Variants in FAM78B observed in about 807,000 individuals in gnomAD.
FAM78B encodes protein FAM78B.
A neutral mutation model predicts 20.0 loss-of-function variants in FAM78B; 10 were observed. The observed-to-expected ratio is 0.50, with a 90% CI of 0.31 to 0.85. The LOEUF (loss-of-function observed/expected upper bound fraction) is 0.85, where lower values mean the gene tolerates loss of function less well. FAM78B is among the 40% of genes least tolerant of loss of function. FAM78B has a pLI of 0.05. For synonymous variants in FAM78B, 135 were observed against 132.8 expected (o/e 1.02, Z -0.12); for missense variants, 283 against 345.0 (o/e 0.82, Z 1.42).
At chr1:166,070,855 A>T in intron 1 of FAM78B, 92 bp from the exon 2 acceptor site, 1 of 1,383,802 alleles carries the variant, frequency 7.2e-7, no homozygotes, top group Non-Finnish European at 9.6e-7. Flanking sequence ...AACATAGTCA[A>T]CTTGGGCAAA....
intron 1 of FAM78B, among the ~76,000 whole-genome samples, chr1:166,109,892 A>ATATATG (rs1553219498): frequency 0.023 from 966 of 41,826 alleles, 176 homozygotes; most frequent in African/African-American, 0.043. Context: ...GTATATATGT[A>ATATATG]TATATATATA....
At chr1:166,102,690 G>T (rs1445232213) in intron 1 of FAM78B, among the ~76,000 whole-genome samples, 1 of 152,144 alleles carries the variant, frequency 6.6e-6, no homozygotes, top group African/African-American at 2.4e-5. Context: ...CAATACAGGA[G>T]CACCCAGATT....
exon 3 of FAM78B, chr1:166,060,598 C>G: frequency 1.6e-6 from 2 of 1,289,096 alleles, no homozygotes; most frequent in Non-Finnish European, 2.0e-6. Context: ...CCATTGCTCA[C>G]TTCCTCCTTC....
intron 1 of FAM78B, among the ~76,000 whole-genome samples, chr1:166,094,003 CTGTGTGTGTGTG>C (rs58213930): frequency 9.6e-5 from 12 of 125,518 alleles, no homozygotes; most frequent in African/African-American, 1.2e-4. Flanking sequence ...TTGCGAATGA[CTGTGTGTGTGTG>C]TGTGTGTGTG....
chr1:166,098,163 A>G (rs959364226), intron 1 of FAM78B, among the ~76,000 whole-genome samples: 1 of 152,170 alleles, frequency 6.6e-6, no homozygotes. Flanking sequence ...AGGAAGCCAC[A>G]TCCATAGGAA....
chr1:166,106,838 T>C (rs1050324937), intron 1 of FAM78B, among the ~76,000 whole-genome samples: 2 of 151,948 alleles, frequency 1.3e-5, no homozygotes, highest in African/African-American at 4.8e-5. Flanking sequence ...CAATATACCA[T>C]GTAAGAAACT....
At chr1:166,124,967 T>G (rs114592871) in intron 1 of FAM78B, among the ~76,000 whole-genome samples, 20 of 152,298 alleles carry the variant, frequency 1.3e-4, no homozygotes, top group Non-Finnish European at 2.8e-4. Flanking sequence ...CTCTGAGAAA[T>G]GTCTCTTCCC....
At chr1:166,080,066 G>C (rs1359636610) in intron 1 of FAM78B, among the ~76,000 whole-genome samples, 1 of 152,148 alleles carries the variant, frequency 6.6e-6, no homozygotes, top group African/African-American at 2.4e-5. Flanking sequence ...TAGGGAACTT[G>C]CTCAAGATCT....
intron 1 of FAM78B, among the ~76,000 whole-genome samples, chr1:166,152,558 C>T (rs1655717543): frequency 6.6e-6 from 1 of 152,190 alleles, no homozygotes; most frequent in South Asian, 2.1e-4. Flanking sequence ...TGTGGATGAA[C>T]TGGCCCCGGA....
At chr1:166,116,516 A>G (rs888881596) in intron 1 of FAM78B, among the ~76,000 whole-genome samples, 1 of 152,190 alleles carries the variant, frequency 6.6e-6, no homozygotes, top group Admixed American at 6.5e-5. Context: ...GTAAATTTCC[A>G]TCAGCAGATT....
chr1:166,128,101 G>A (rs1654709539), intron 1 of FAM78B, among the ~76,000 whole-genome samples: 1 of 152,138 alleles, frequency 6.6e-6, no homozygotes, highest in African/African-American at 2.4e-5. Flanking sequence ...AAGGAAATGT[G>A]GAAACTGAGA....
chr1:166,072,436 T>A (rs1229501252), intron 1 of FAM78B, among the ~76,000 whole-genome samples: 1 of 152,200 alleles, frequency 6.6e-6, no homozygotes, highest in Non-Finnish European at 1.5e-5. Context: ...ATGCAGAAAG[T>A]CAGAGAGAGC....
intron 2 of FAM78B, among the ~76,000 whole-genome samples, chr1:166,064,298 A>T (rs1225004570): frequency 6.6e-6 from 1 of 152,192 alleles, no homozygotes; most frequent in East Asian, 1.9e-4. Flanking sequence ...AAGATCTGGG[A>T]CATCAAAAAC....
At chr1:166,130,140 C>G (rs755975839) in intron 1 of FAM78B, among the ~76,000 whole-genome samples, 99 of 152,308 alleles carry the variant, frequency 6.5e-4, no homozygotes, top group Admixed American at 6.5e-4. Context: ...CTTAAATATT[C>G]CTCCCATGAG....
intron 1 of FAM78B, among the ~76,000 whole-genome samples, chr1:166,124,464 C>T (rs544593844): frequency 6.6e-6 from 1 of 152,182 alleles, no homozygotes; most frequent in African/African-American, 2.4e-5. Context: ...CCATAACAAC[C>T]CTATGAGGTG....
chr1:166,115,300 T>C (rs1050164072), intron 1 of FAM78B, among the ~76,000 whole-genome samples: 1 of 152,188 alleles, frequency 6.6e-6, no homozygotes, highest in Non-Finnish European at 1.5e-5. Context: ...TTTGAGAATG[T>C]TGTCACATTG....
chr1:166,068,046 C>A (rs184399237), downstream of FAM78B, among the ~76,000 whole-genome samples: 1 of 152,272 alleles, frequency 6.6e-6, no homozygotes, highest in Non-Finnish European at 1.5e-5. Flanking sequence ...AAACATAAAT[C>A]TTGTATAGCA....
intron 1 of FAM78B, among the ~76,000 whole-genome samples, chr1:166,159,705 C>T (rs941545288): frequency 2.0e-5 from 3 of 152,178 alleles, no homozygotes; most frequent in African/African-American, 7.2e-5. Flanking sequence ...ATTAATATCC[C>T]AGGCTACACA....
At chr1:166,065,033 AG>A (rs57099979), downstream of FAM78B, among the ~76,000 whole-genome samples, 6,396 of 152,276 alleles carry the variant, frequency 0.042, 427 homozygotes, top group African/African-American at 0.14. Flanking sequence ...AACCACTTGA[AG>A]GCACAGCCTG....
Sources: gnomAD v4.1 joint callset for allele counts (sites outside exome capture counted in the v4.1 genomes callset) on GRCh38, gnomAD v4.1.1 for gene constraint, MANE v1.5 for transcripts, NCBI Gene and HGNC (gene_info 2026-07-23, HGNC 2026-07-21) for gene names.